Variants in EPHA2 observed in about 807,000 individuals in gnomAD.
EPHA2 encodes EPH receptor A2, also known as ephrin type-A receptor 2.
In EPHA2, 54 loss-of-function variants were observed where a neutral mutation model predicts 104.9. The observed-to-expected ratio is 0.51, with a 90% CI of 0.41 to 0.65. The LOEUF (loss-of-function observed/expected upper bound fraction) is 0.65. Among genes scored for constraint, EPHA2 ranks in the 30% least tolerant of loss-of-function variants. The pLI is 0.00. For missense variants in EPHA2, 1,117 were observed against 1,369.5 expected, an observed-to-expected ratio of 0.82 and a Z score of 2.91; for synonymous variants, 560 against 559.1, an observed-to-expected ratio of 1.00 and a Z score of -0.02.
chr1:16,146,722 G>C (rs943215521), intron 3 of EPHA2, among the ~76,000 whole-genome samples: 1 of 152,206 alleles, frequency 6.6e-6, no homozygotes, highest in Non-Finnish European at 1.5e-5. Context: ...TCTCATCGGG[G>C]GGTTTACAGA....
Position 16,138,362 on chromosome 1 carries a change from G to C in EPHA2, c.892C>G (p.Leu298Val), listed in dbSNP as rs761320754. The C allele has an allele frequency of 3.7e-6, 6 of 1,613,824 alleles. No individual in the cohort carries two copies. In the Admixed American group the frequency reaches 1.0e-4, roughly 27 times the overall value. Residue 298 changes from leucine to valine, a missense_variant, in exon 4 of 17, where the codon CTG (leucine) becomes GTG (valine). Leu to Val is a conservative substitution (Grantham distance 32). Around this residue, in one of 3 missense-constraint regions of EPHA2, gnomAD observed 664 missense variants for 784.8 expected, o/e 0.85. Coordinates refer to ENST00000358432, the MANE Select transcript of EPHA2 (RefSeq NM_004431.5). ...GAGGTGGCACCCTCAGGGGATGGCA[G>C]CGTGTGCTCAGGGCACTCCAAGCAG... ...SPCLECPEHT[L>V]PSPEGATSCE...
At position 16,133,263 on chromosome 1, in the gene EPHA2, C is replaced by T. The variant is rs1219222518; in HGVS notation, c.1970G>A (p.Arg657Gln). ...TLKAGYTEKQ[R>Q]VDFLGEAGIM... is the part of the protein sequence containing the mutation. The stretch of plus-strand genomic sequence containing the variant: ...GCCGGCCTCGCCGAGGAAGTCCACT[C>T]GCTGCTTCTCTGTGTAGCCGGCTTT... The change falls in exon 11 of 17, where the codon CGA (arginine) becomes CAA (glutamine). Residue 657 changes from arginine (R) to glutamine (Q), a missense_variant. Physicochemically the swap from Arg to Gln is conservative, Grantham distance 43. Coordinates refer to ENST00000358432, the MANE Select transcript of EPHA2 (RefSeq NM_004431.5). 1.2e-6 allele frequency: 2 copies of T among 1,613,888 alleles called. No homozygotes were observed. The highest frequency in any genetic ancestry group is 1.7e-6 in the Non-Finnish European group (2 of 1,179,926).
Position 16,138,324 on chromosome 1 carries a change from C to T in EPHA2, c.930G>A (p.Glu310=), listed in dbSNP as rs770789618. 1.2e-6 allele frequency: 2 copies of T among 1,613,796 alleles called. No homozygotes were observed. Among genetic ancestry groups the T allele is most frequent in the Non-Finnish European group, 8.5e-7 (1 of 1,179,930 alleles). The change falls in exon 4 of 17, where the codon GAG becomes GAA. Residue 310 remains glutamate, a synonymous_variant. Coordinates refer to ENST00000358432, the MANE Select transcript of EPHA2 (RefSeq NM_004431.5). ...SPEGATSCEC[E]EGFFRAPQDP... The stretch of plus-strand genomic sequence containing the variant: ...CCTGAGGTGCCCGGAAGAAGCCTTC[C>T]TCACACTCGCAGGAGGTGGCACCCT...
rs760295557 is a variant in EPHA2 at position 16,133,525 on chromosome 1, T to G, written c.1820A>C (p.Glu607Ala). 3.1e-5 allele frequency: 50 copies of G among 1,613,970 alleles called. No individual in the cohort carries two copies. In the East Asian group the frequency reaches 3.3e-4, roughly 11 times the overall value. ...CCGAGTGACACAGGATGGATGGATC[T>G]CGGTAGTGAACTTCAACACAGCCTG... ...PNQAVLKFTT[E>A]IHPSCVTRQK... The change falls in exon 10 of 17, where the codon GAG becomes GCG. Residue 607 changes from glutamate (E) to alanine (A), a missense_variant. Glu to Ala is a moderately radical substitution (Grantham distance 107). Around this residue, in one of 3 missense-constraint regions of EPHA2, gnomAD observed 113 missense variants for 104.3 expected, o/e 1.08. Transcript: ENST00000358432.
rs1357217219 is a variant in EPHA2, at chr1:16,124,607, C to A, written c.*608G>T. 4 of 153,444 alleles carry A rather than the reference C, an allele frequency of 2.6e-5. No homozygotes were observed. The highest frequency in any genetic ancestry group is 2.6e-4 in the Admixed American group (4 of 15,476). The allele number at this position is 153,444 out of a possible 1,614,324, so 9.5% of individuals were successfully genotyped here. On this transcript the variant is annotated 3_prime_UTR_variant, in exon 17 of 17. Transcript: ENST00000358432. Reference sequence around the variant, plus strand: ...AGCCCTGGCGGGGCCCCCTGCCACACACACACATTCTCTCCACAAAGTACA... The same window carrying A: ...AGCCCTGGCGGGGCCCCCTGCCACAAACACACATTCTCTCCACAAAGTACA...
chr1:16,132,412 T>C lies in EPHA2; in HGVS notation c.2081A>G (p.Tyr694Cys). ...KYKPMMIITE[Y>C]MENGALDKFL... Reference sequence around the variant, plus strand: ...CTTGTCCAGGGCCCCATTCTCCATGTACTCAGTGATGATCATCATGGGCTT... The same window carrying C: ...CTTGTCCAGGGCCCCATTCTCCATGCACTCAGTGATGATCATCATGGGCTT... Residue 694 changes from tyrosine to cysteine, a missense_variant, in exon 12 of 17, where the codon TAC (tyrosine) becomes TGC (cysteine). Physicochemically the swap from Tyr to Cys is radical, Grantham distance 194. This residue lies in a region of EPHA2 where 340 missense variants were observed against 480.5 expected (regional missense o/e 0.71). Coordinates refer to ENST00000358432, the MANE Select transcript of EPHA2 (RefSeq NM_004431.5). 1 of 1,614,092 alleles carries C rather than the reference T, an allele frequency of 6.2e-7. No homozygotes were observed. Among genetic ancestry groups the C allele is most frequent in the South Asian group, 1.1e-5 (1 of 91,080 alleles).
At chr1:16,136,175 G>T (rs1179327637) in intron 5 of EPHA2, among the ~76,000 whole-genome samples, 1 of 151,968 alleles carries the variant, frequency 6.6e-6, no homozygotes, top group South Asian at 2.1e-4. Context: ...CAGCTCCCAG[G>T]CTCTTTAGAT....
chr1:16,133,654 T>C (rs762447735), intron 9 of EPHA2, 48 bp from the exon 10 acceptor site: 1 of 1,611,114 alleles, frequency 6.2e-7, no homozygotes, highest in South Asian at 1.1e-5. Context: ...AGGGGCCCCA[T>C]GGGGGGTGCT....
intron 5 of EPHA2, among the ~76,000 whole-genome samples, chr1:16,136,934 G>A (rs528389241): frequency 6.6e-6 from 1 of 151,814 alleles, no homozygotes; most frequent in South Asian, 2.1e-4. Flanking sequence ...GAGTAGCTGG[G>A]ATTACAGGCA....
chr1:16,133,889 G>C lies in EPHA2; in HGVS notation c.1709C>G (p.Ser570Cys). Residue 570 changes from serine (S) to cysteine (C), a missense_variant, in exon 9 of 17, where the codon TCC becomes TGC. Coordinates refer to ENST00000358432, the MANE Select transcript of EPHA2 (RefSeq NM_004431.5). ...CTTGGAGAAGTAAACGTCCTCCGGG[G>C]ACTGGCGGGCACGCTGGTTCTTCCT... is the stretch of plus-strand genomic sequence containing the variant. ...RRRKNQRARQ[S>C]PEDVYFSKSE... 1.3e-6 allele frequency: 2 copies of C among 1,550,622 alleles called. No individual in the cohort carries two copies. Among genetic ancestry groups the C allele is most frequent in the Non-Finnish European group, 1.7e-6 (2 of 1,146,374 alleles).
intron 5 of EPHA2, among the ~76,000 whole-genome samples, chr1:16,137,297 T>TAA (rs113394862): frequency 0.075 from 10,572 of 140,300 alleles, 997 homozygotes; most frequent in African/African-American, 0.22. Context: ...GGTGATGAGC[T>TAA]AAAAAAAAAA....
intron 16 of EPHA2, among the ~76,000 whole-genome samples, chr1:16,127,322 G>C (rs1047356118): frequency 6.6e-6 from 1 of 152,176 alleles, no homozygotes; most frequent in East Asian, 1.9e-4. Context: ...ACAGAGCCTG[G>C]GGTTGGGCTA....
intron 3 of EPHA2, among the ~76,000 whole-genome samples, chr1:16,142,814 C>T (rs1371931010): frequency 5.9e-5 from 5 of 85,460 alleles, no homozygotes; most frequent in South Asian, 4.3e-4. Flanking sequence ...TGGATGGATG[C>T]GGGATGGATA....
intron 3 of EPHA2, among the ~76,000 whole-genome samples, chr1:16,138,856 C>T (rs1198187528): frequency 1.3e-5 from 2 of 152,186 alleles, no homozygotes; most frequent in African/African-American, 4.8e-5. Flanking sequence ...TAGCTGAGAG[C>T]TGCCCAGGGC....
chr1:16,150,524 G>C lies in EPHA2; in HGVS notation c.153+372C>G, dbSNP rs934829888. The stretch of plus-strand genomic sequence containing the variant: ...CTTCACCCCTCACCTCCTGGGCTGA[G>C]ACCTCAAGACAGGGGGCATCTTTAA... On this transcript the variant is annotated intron_variant, in intron 2 of 16. Transcript: ENST00000358432. This position sits in a 1 kb window ranked among gnomAD's most constrained non-coding sequence, Gnocchi z 4.8. 6.6e-6 allele frequency among the ~76,000 whole-genome samples: 1 copy of C among 152,226 alleles called. No homozygotes were observed. The highest frequency in any genetic ancestry group is 2.4e-5 in the African/African-American group (1 of 41,462).
rs1165064889 is a variant in EPHA2 at position 16,134,156 on chromosome 1, G to GC, written c.1683-242dup. On this transcript the variant is annotated intron_variant, in intron 8 of 16. Coordinates refer to ENST00000358432, the MANE Select transcript of EPHA2 (RefSeq NM_004431.5). This position sits in a 1 kb window ranked among gnomAD's most constrained non-coding sequence, Gnocchi z 4.5. Reference sequence around the variant, plus strand: ...TCTCCAGGATCTAGGCCCCAGAATGGCCCCTTAAGCAGTCGTGACGAAGGC... The same window carrying GC: ...TCTCCAGGATCTAGGCCCCAGAATGGCCCCCTTAAGCAGTCGTGACGAAGGC... Among the ~76,000 whole-genome samples the GC allele has an allele frequency of 2.0e-5, 3 of 152,096 alleles. No homozygotes were observed. The highest frequency in any genetic ancestry group is 7.2e-5 in the African/African-American group (3 of 41,420).
rs2025024636 is a variant in EPHA2 at position 16,150,977 on chromosome 1, G to A, written c.86-14C>T. The A allele has an allele frequency of 2.5e-6, 4 of 1,613,956 alleles. No homozygotes were observed. The South Asian group carries it at 3.3e-5, about 13-fold the overall frequency. ...CCAGCAGTACCACTGAAAGGGAGAA[G>A]GGAGAGGGGGTGAGCCTGGGGGTGT... is the stretch of plus-strand genomic sequence containing the variant. On this transcript the variant is annotated splice_polypyrimidine_tract_variant and intron_variant, in intron 1 of 16. Transcript: ENST00000358432. This position sits in a 1 kb window ranked among gnomAD's most constrained non-coding sequence, Gnocchi z 4.8.
In EPHA2 at chr1:16,150,994, TG is replaced by T. The variant is rs1462890205; in HGVS notation, c.86-32del. The T allele has an allele frequency of 1.9e-6, 3 of 1,611,688 alleles. No individual in the cohort carries two copies. Among genetic ancestry groups the T allele is most frequent in the Non-Finnish European group, 1.7e-6 (2 of 1,178,218 alleles). On this transcript the variant is annotated intron_variant, in intron 1 of 16. Transcript: ENST00000358432. This position sits in a 1 kb window ranked among gnomAD's most constrained non-coding sequence, Gnocchi z 4.8. ...AGGGAGAAGGGAGAGGGGGTGAGCC[TG>T]GGGGTGTCTTCAGGAGTCAGACCAT...
Position 16,150,989 on chromosome 1 carries a change from G to A in EPHA2, c.86-26C>T. ...CTGAAAGGGAGAAGGGAGAGGGGGT[G>A]AGCCTGGGGGTGTCTTCAGGAGTCA... On this transcript the variant is annotated intron_variant, in intron 1 of 16. Transcript: ENST00000358432. This position sits in a 1 kb window ranked among gnomAD's most constrained non-coding sequence, Gnocchi z 4.8. The A allele has an allele frequency of 1.2e-6, 2 of 1,612,976 alleles. No homozygotes were observed. Among genetic ancestry groups the A allele is most frequent in the Non-Finnish European group, 1.7e-6 (2 of 1,179,154 alleles).
Sources: gnomAD v4.1 joint callset for allele counts (sites outside exome capture counted in the v4.1 genomes callset) on GRCh38, gnomAD v4.1.1 for gene constraint, gnomAD v4.1.1 regional missense constraint, Gnocchi (gnomAD v3.1) non-coding constraint, MANE v1.5 for transcripts, NCBI Gene and HGNC (gene_info 2026-07-23, HGNC 2026-07-21) for gene names.